CHLSN: variants seen among roughly 807,000 people sequenced by gnomAD.
The protein encoded by CHLSN is cholesin, also known as protein cholesin.
chr7:988,635 G>A, the CHLSN span: 2 of 1,602,786 alleles, frequency 1.2e-6, no homozygotes, highest in Non-Finnish European at 1.7e-6. Flanking sequence ...TCCCCCGCAG[G>A]CCGCCGCGTC....
the CHLSN span, among the ~76,000 whole-genome samples, chr7:1,097,806 G>A: frequency 0.017 from 2,587 of 152,300 alleles, 93 homozygotes; most frequent in East Asian, 0.17. The surrounding 1 kb of genome is among the most constrained non-coding windows in gnomAD (Gnocchi z 4.3). Context: ...AGAAGGGTGC[G>A]TCTCGTGCTG....
chr7:986,863 C>T, the CHLSN span: 151 of 1,433,342 alleles, frequency 1.1e-4, no homozygotes, highest in African/African-American at 5.7e-4. Flanking sequence ...CAGGGGAGCA[C>T]GGCTGGGGAG....
chr7:1,083,525 G>A, the CHLSN span, among the ~76,000 whole-genome samples: 1 of 152,124 alleles, frequency 6.6e-6, no homozygotes, highest in Non-Finnish European at 1.5e-5. Flanking sequence ...CTACTCGGGA[G>A]GCTGAGGCAG....
the CHLSN span, among the ~76,000 whole-genome samples, chr7:1,108,227 A>G: frequency 2.8e-5 from 1 of 35,214 alleles, no homozygotes; most frequent in East Asian, 6.0e-4. Context: ...GGAGTCCCGC[A>G]CCCCGGGGGG....
the CHLSN span, among the ~76,000 whole-genome samples, chr7:999,765 G>A: frequency 7.2e-5 from 11 of 152,212 alleles, no homozygotes; most frequent in African/African-American, 2.4e-4. Flanking sequence ...TAACGTGGGC[G>A]CAGGAGAGCC....
At chr7:1,085,535 G>T in the CHLSN span, among the ~76,000 whole-genome samples, 1 of 152,134 alleles carries the variant, frequency 6.6e-6, no homozygotes, top group Admixed American at 6.5e-5. Flanking sequence ...GATCAAGCAC[G>T]CAGAGCACCG....
At chr7:1,018,482 G>T in the CHLSN span, among the ~76,000 whole-genome samples, 1 of 151,740 alleles carries the variant, frequency 6.6e-6, no homozygotes, top group Non-Finnish European at 1.5e-5. Flanking sequence ...GTCGTGATGG[G>T]CACACCCATG....
chr7:1,053,559 G>A, the CHLSN span, among the ~76,000 whole-genome samples: 2 of 152,244 alleles, frequency 1.3e-5, no homozygotes, highest in South Asian at 4.1e-4. Flanking sequence ...TGGGCATGGT[G>A]GCTCACGTCT....
chr7:1,093,405 T>C, the CHLSN span: 2 of 453,446 alleles, frequency 4.4e-6, no homozygotes, highest in East Asian at 1.4e-4. Context: ...AAGGAAAACA[T>C]GCTGCTCTGG....
chr7:1,056,825 T>C, the CHLSN span: 2 of 123,756 alleles, frequency 1.6e-5, no homozygotes, highest in African/African-American at 3.1e-5. Context: ...CTTCCCGAGA[T>C]AGCTGTAGGT....
the CHLSN span, chr7:984,625 AC>A: frequency 6.6e-7 from 1 of 1,518,780 alleles, no homozygotes; most frequent in South Asian, 1.2e-5. Context: ...GGGCACCTGG[AC>A]CCCAGGAGGG....
the CHLSN span, chr7:985,038 G>C: frequency 1.2e-6 from 2 of 1,612,380 alleles, no homozygotes; most frequent in South Asian, 2.2e-5. Context: ...GCCGGGAGCC[G>C]GTGGCTGACA....
chr7:987,826 TG>T, the CHLSN span, among the ~76,000 whole-genome samples: 5 of 151,116 alleles, frequency 3.3e-5, no homozygotes, highest in Non-Finnish European at 7.4e-5. Context: ...CGGTGTGTCC[TG>T]GGGGTCCCCT....
At chr7:1,008,652 A>G in the CHLSN span, among the ~76,000 whole-genome samples, 1 of 152,086 alleles carries the variant, frequency 6.6e-6, no homozygotes, top group African/African-American at 2.4e-5. Flanking sequence ...CCATTTCCTG[A>G]GCCCGGCGCT....
chr7:1,032,867 T>C, the CHLSN span, among the ~76,000 whole-genome samples: 1 of 152,174 alleles, frequency 6.6e-6, no homozygotes, highest in Non-Finnish European at 1.5e-5. Context: ...CAAGCATCCT[T>C]CCTCCAGCCC....
At chr7:1,066,582 G>A in the CHLSN span, among the ~76,000 whole-genome samples, 1 of 152,238 alleles carries the variant, frequency 6.6e-6, no homozygotes, top group African/African-American at 2.4e-5. Flanking sequence ...GGGGACGAGG[G>A]GTTCTACCTG....
the CHLSN span, chr7:1,024,587 T>C: frequency 2.0e-5 from 3 of 152,222 alleles, no homozygotes; most frequent in Non-Finnish European, 4.4e-5. Context: ...TGGGGCAGTC[T>C]GCTGAACGCT....
the CHLSN span, chr7:987,092 C>A: frequency 1.3e-6 from 2 of 1,516,342 alleles, no homozygotes; most frequent in East Asian, 2.4e-5. Flanking sequence ...CGAGCCCTGC[C>A]CCACGCCTCT....
chr7:1,136,926 A>C, the CHLSN span, among the ~76,000 whole-genome samples: 6 of 152,048 alleles, frequency 3.9e-5, no homozygotes, highest in African/African-American at 1.4e-4. Flanking sequence ...TTACCACTGA[A>C]ATACACCCAG....
Sources: gnomAD v4.1 joint callset for allele counts (sites outside exome capture counted in the v4.1 genomes callset) on GRCh38, gnomAD v4.1.1 for gene constraint, Gnocchi (gnomAD v3.1) non-coding constraint, MANE v1.5 for transcripts, NCBI Gene and HGNC (gene_info 2026-07-23, HGNC 2026-07-21) for gene names.